The following CADM1 variants were observed in gnomAD, a reference collection of about 807,000 sequenced individuals.
CADM1 encodes the protein TSLC-1.
CADM1 carries 15 observed loss-of-function variants against 53.1 expected under a neutral mutation model. The observed-to-expected ratio is 0.28, with a 90% CI of 0.19 to 0.44. CADM1 has a LOEUF of 0.44. Ranked by LOEUF, CADM1 falls within the 20% of genes least tolerant of loss-of-function variation. The pLI, the probability that CADM1 is intolerant of heterozygous loss-of-function variation, is 1.00. For missense variants in CADM1, 434 were observed against 611.3 expected, an observed-to-expected ratio of 0.71 and a Z score of 3.06; for synonymous variants, 281 against 243.0, an observed-to-expected ratio of 1.16 and a Z score of -1.45.
intron 7 of CADM1, among the ~76,000 whole-genome samples, chr11:115,211,258 T>A (rs1940944413): frequency 6.6e-6 from 1 of 152,044 alleles, no homozygotes; most frequent in African/African-American, 2.4e-5. Flanking sequence ...GGTGTCAGCA[T>A]AGATATAAAT....
intron 1 of CADM1, among the ~76,000 whole-genome samples, chr11:115,480,634 G>A (rs1949237228): frequency 6.6e-6 from 1 of 152,074 alleles, no homozygotes; most frequent in Non-Finnish European, 1.5e-5. Context: ...AGCACACAAG[G>A]GGCCTTGGGT....
intron 1 of CADM1, among the ~76,000 whole-genome samples, chr11:115,265,769 G>C (rs937791869): frequency 6.6e-6 from 1 of 152,176 alleles, no homozygotes; most frequent in Non-Finnish European, 1.5e-5. Flanking sequence ...ATATATGGCT[G>C]TACATTCATT....
intron 1 of CADM1, among the ~76,000 whole-genome samples, chr11:115,446,352 C>T (rs1252073640): frequency 6.6e-6 from 1 of 152,112 alleles, no homozygotes; most frequent in Non-Finnish European, 1.5e-5. Context: ...GGTCTGAGTC[C>T]ACAGTCACAT....
intron 1 of CADM1, among the ~76,000 whole-genome samples, chr11:115,287,035 C>T (rs1158125500): frequency 6.6e-6 from 1 of 152,210 alleles, no homozygotes; most frequent in Non-Finnish European, 1.5e-5. Flanking sequence ...TTTCTCCCGA[C>T]CCCTTCTCCC....
chr11:115,478,855 A>G (rs1949196048), intron 1 of CADM1, among the ~76,000 whole-genome samples: 1 of 152,188 alleles, frequency 6.6e-6, no homozygotes, highest in African/African-American at 2.4e-5. Flanking sequence ...ATAGATCTAC[A>G]TCACTCTTTT....
At chr11:115,177,193 A>G (rs892204086) in intron 11 of CADM1, among the ~76,000 whole-genome samples, 2 of 152,204 alleles carry the variant, frequency 1.3e-5, no homozygotes, top group African/African-American at 4.8e-5. Context: ...TGACATTATA[A>G]TAGCAGGGAT....
At chr11:115,379,049 G>A (rs988427194) in intron 1 of CADM1, among the ~76,000 whole-genome samples, 2 of 152,208 alleles carry the variant, frequency 1.3e-5, no homozygotes, top group African/African-American at 4.8e-5. Flanking sequence ...CTAGCTAGAT[G>A]ATGTAGCATG....
chr11:115,373,752 T>C (rs1444736336), intron 1 of CADM1, among the ~76,000 whole-genome samples: 1 of 152,092 alleles, frequency 6.6e-6, no homozygotes, highest in Non-Finnish European at 1.5e-5. Context: ...TGGGTGAGTA[T>C]CAGAATCACC....
chr11:115,390,130 C>CT (rs1946798199), intron 1 of CADM1, among the ~76,000 whole-genome samples: 1 of 152,116 alleles, frequency 6.6e-6, no homozygotes, highest in African/African-American at 2.4e-5. Flanking sequence ...CCCATCCCAC[C>CT]TCCCCCCATG....
intron 1 of CADM1, among the ~76,000 whole-genome samples, chr11:115,255,059 A>C (rs1445450540): frequency 6.6e-6 from 1 of 152,154 alleles, no homozygotes; most frequent in Non-Finnish European, 1.5e-5. Flanking sequence ...TATAGAGAAG[A>C]GGAAGCAGAA....
chr11:115,194,337 T>C (rs1940044636), intron 9 of CADM1, among the ~76,000 whole-genome samples: 1 of 152,238 alleles, frequency 6.6e-6, no homozygotes, highest in Non-Finnish European at 1.5e-5. Flanking sequence ...TACGTGCTTT[T>C]AGAATTTGAC....
At chr11:115,424,264 T>C (rs1333037444) in intron 1 of CADM1, among the ~76,000 whole-genome samples, 1 of 152,198 alleles carries the variant, frequency 6.6e-6, no homozygotes, top group East Asian at 1.9e-4. Flanking sequence ...AGTCGGGTCC[T>C]GTATGCCAGA....
intron 1 of CADM1, among the ~76,000 whole-genome samples, chr11:115,284,087 ACTCTCTCT>A (rs141079093): frequency 4.2e-5 from 2 of 47,592 alleles, no homozygotes; most frequent in East Asian, 1.7e-3. Flanking sequence ...AAGCCCAGAC[ACTCTCTCT>A]CTCTCTCTCT....
intron 1 of CADM1, among the ~76,000 whole-genome samples, chr11:115,316,227 C>A (rs1944663679): frequency 6.6e-6 from 1 of 152,148 alleles, no homozygotes; most frequent in Non-Finnish European, 1.5e-5. Flanking sequence ...TCAGCAATTA[C>A]CTTGCATCCT....
chr11:115,403,349 T>TCG, intron 1 of CADM1, among the ~76,000 whole-genome samples: 1 of 152,196 alleles, frequency 6.6e-6, no homozygotes, highest in African/African-American at 2.4e-5. Context: ...ATGCAATGTG[T>TCG]AATCCTGAAT....
At chr11:115,328,705 T>TATATATGTATATAC (rs1945039607) in intron 1 of CADM1, among the ~76,000 whole-genome samples, 1 of 16,086 alleles carries the variant, frequency 6.2e-5, no homozygotes, top group African/African-American at 5.0e-4. Flanking sequence ...TATATATGTA[T>TATATATGTATATAC]ATATATATGT....
At chr11:115,434,712 C>T (rs1318146730) in intron 1 of CADM1, among the ~76,000 whole-genome samples, 1 of 152,068 alleles carries the variant, frequency 6.6e-6, no homozygotes, top group Non-Finnish European at 1.5e-5. Flanking sequence ...TTCACCTCTC[C>T]CCCTTGCCAC....
intron 1 of CADM1, among the ~76,000 whole-genome samples, chr11:115,457,832 C>CGGCTAAT (rs1948711707): frequency 6.6e-6 from 1 of 151,990 alleles, no homozygotes; most frequent in Admixed American, 6.6e-5. Context: ...CTAATAAAAA[C>CGGCTAAT]GGCTAATGAA....
chr11:115,268,728 G>T (rs968055810), intron 1 of CADM1, among the ~76,000 whole-genome samples: 1 of 152,156 alleles, frequency 6.6e-6, no homozygotes, highest in South Asian at 2.1e-4. Flanking sequence ...GCTGCGAAGC[G>T]GCTTTAAAGG....
Sources: gnomAD v4.1 joint callset for allele counts (sites outside exome capture counted in the v4.1 genomes callset) on GRCh38, gnomAD v4.1.1 for gene constraint, MANE v1.5 for transcripts, NCBI Gene and HGNC (gene_info 2026-07-23, HGNC 2026-07-21) for gene names.